The following RFX7 variants were observed in gnomAD, a reference collection of about 807,000 sequenced individuals.
RFX7 encodes the protein DNA-binding protein RFX7.
Under a neutral mutation model 111.8 loss-of-function variants are expected in RFX7, and 26 were observed. The observed-to-expected ratio is 0.23, with a 90% CI of 0.17 to 0.32. The LOEUF (loss-of-function observed/expected upper bound fraction) is 0.32, where lower values mean the gene tolerates loss of function less well. RFX7 is among the 10% of genes least tolerant of loss of function. The probability of loss-of-function intolerance (pLI) is 1.00; values close to 1 mark genes in which losing one functional copy is unlikely to be tolerated. For missense variants in RFX7, 1,573 were observed against 1,772.9 expected (o/e 0.89, Z 2.02); for synonymous variants, 624 against 624.4 (o/e 1.00, Z 0.01).
In RFX7 at chr15:56,088,416, CT is replaced by C. The variant is rs1284700078; in HGVS notation, c.*4928del. On this transcript the variant is annotated 3_prime_UTR_variant, in exon 10 of 10. Coordinates refer to ENST00000559447, the MANE Select transcript of RFX7 (RefSeq NM_022841.7). ...ACACTGGGTCTAATGCAAAGAAATA[CT>C]CTATATACCACAGTAATATCACTCT... The C allele has an allele frequency of 1.3e-5, 2 of 152,174 alleles. No individual in the cohort carries two copies. The highest frequency in any genetic ancestry group is 2.4e-5 in the African/African-American group (1 of 41,426). The allele number at this position is 152,174 out of a possible 1,614,324, so 9.4% of individuals were successfully genotyped here.
At chr15:56,201,842 A>G (rs1243956185) in intron 2 of RFX7, among the ~76,000 whole-genome samples, 2 of 152,186 alleles carry the variant, frequency 1.3e-5, no homozygotes, top group Non-Finnish European at 2.9e-5. Flanking sequence ...CATCCTGGCT[A>G]ACACGGTGAA....
At chr15:56,111,042 C>A (rs2041922158) in intron 5 of RFX7, among the ~76,000 whole-genome samples, 1 of 93,934 alleles carries the variant, frequency 1.1e-5, no homozygotes, top group African/African-American at 3.6e-5. Flanking sequence ...CAGCCCCCCA[C>A]CCGGCCAGCC....
At chr15:56,120,183 T>C (rs1595940742) in intron 5 of RFX7, among the ~76,000 whole-genome samples, 1 of 152,184 alleles carries the variant, frequency 6.6e-6, no homozygotes, top group Non-Finnish European at 1.5e-5. Context: ...TCTTTCATCA[T>C]TGTTTTATAG....
At chr15:56,152,939 C>A (rs1352092979) in intron 3 of RFX7, among the ~76,000 whole-genome samples, 1 of 152,110 alleles carries the variant, frequency 6.6e-6, no homozygotes, top group East Asian at 1.9e-4. Context: ...AACCTCTATG[C>A]AAATAAACTG....
At chr15:56,241,738 AC>A (rs2043691975) in intron 2 of RFX7, among the ~76,000 whole-genome samples, 2 of 145,598 alleles carry the variant, frequency 1.4e-5, no homozygotes, top group Non-Finnish European at 3.1e-5. Context: ...ACACACACAC[AC>A]CCCAATCATA....
intron 2 of RFX7, among the ~76,000 whole-genome samples, chr15:56,231,689 C>T (rs186426131): frequency 1.3e-5 from 2 of 152,266 alleles, no homozygotes; most frequent in Admixed American, 1.3e-4. Context: ...TCCCAACAGT[C>T]CCTCAAAGTC....
intron 2 of RFX7, among the ~76,000 whole-genome samples, chr15:56,201,735 G>GTTTTT (rs1371385285): frequency 5.5e-4 from 84 of 152,010 alleles, no homozygotes; most frequent in African/African-American, 1.8e-3. Context: ...TTGGCCAAAA[G>GTTTTT]TTTAAAAAAC....
At chr15:56,150,788 C>T (rs867006279) in intron 3 of RFX7, among the ~76,000 whole-genome samples, 5 of 152,142 alleles carry the variant, frequency 3.3e-5, no homozygotes, top group African/African-American at 1.2e-4. Flanking sequence ...GCACCAGGTT[C>T]TAACCCAATG....
chr15:56,131,283 T>C (rs1595949823), intron 5 of RFX7, among the ~76,000 whole-genome samples: 1 of 109,494 alleles, frequency 9.1e-6, no homozygotes, highest in Non-Finnish European at 2.0e-5. Context: ...TTTTTTTTTT[T>C]TTTTTTTTTT....
chr15:56,207,301 TG>T (rs2141191693), intron 2 of RFX7, among the ~76,000 whole-genome samples: 1 of 152,220 alleles, frequency 6.6e-6, no homozygotes, highest in East Asian at 1.9e-4. Context: ...TATTGTTTAA[TG>T]GGTACAGAGT....
intron 2 of RFX7, among the ~76,000 whole-genome samples, chr15:56,218,144 CTTTTTTTTTTTT>C (rs869249448): frequency 5.2e-5 from 3 of 57,972 alleles, no homozygotes; most frequent in East Asian, 1.3e-3. Flanking sequence ...AAATGATTTT[CTTTTTTTTTTTT>C]TTTTTTTTTT....
chr15:56,173,730 G>T (rs747889636), intron 3 of RFX7, among the ~76,000 whole-genome samples: 6 of 152,064 alleles, frequency 3.9e-5, no homozygotes, highest in Non-Finnish European at 8.8e-5. Flanking sequence ...GGCAGCAGAG[G>T]TTGCAGTGAG....
chr15:56,168,533 A>G (rs2042808683), intron 3 of RFX7, among the ~76,000 whole-genome samples: 1 of 152,176 alleles, frequency 6.6e-6, no homozygotes, highest in African/African-American at 2.4e-5. Flanking sequence ...AGGGATATAC[A>G]CAGAGTACAA....
At chr15:56,119,708 C>T (rs1037762150) in intron 5 of RFX7, among the ~76,000 whole-genome samples, 39 of 145,870 alleles carry the variant, frequency 2.7e-4, no homozygotes, top group African/African-American at 1.0e-3. Context: ...ACCTGGGAGG[C>T]GGAGGCTGCA....
intron 2 of RFX7, among the ~76,000 whole-genome samples, chr15:56,203,897 C>A (rs1382644951): frequency 1.3e-5 from 2 of 152,126 alleles, no homozygotes; most frequent in Non-Finnish European, 2.9e-5. Context: ...TATTTCATTC[C>A]TTTACTTTCT....
At chr15:56,102,279 T>G (rs767554655) in intron 6 of RFX7, 26 bp from the exon 7 acceptor site, 2 of 1,433,940 alleles carry the variant, frequency 1.4e-6, no homozygotes, top group Non-Finnish European at 1.9e-6. Flanking sequence ...GGTCTAAATA[T>G]TCAAAATTAA....
intron 2 of RFX7, among the ~76,000 whole-genome samples, chr15:56,220,058 C>T (rs1196728357): frequency 3.3e-5 from 5 of 151,668 alleles, no homozygotes; most frequent in Non-Finnish European, 7.4e-5. Flanking sequence ...GGAAGCATAA[C>T]CTTTTTTTTT....
In RFX7 at chr15:56,122,950, G is replaced by A. The variant is rs184575570; in HGVS notation, c.402-19280C>T. ...TATTTCTCACCCTTAGATGGTATTC[G>A]AGAAATACCATCTAAGGGCCAAATA... On this transcript the variant is annotated intron_variant, in intron 5 of 9. Coordinates refer to ENST00000559447, the MANE Select transcript of RFX7 (RefSeq NM_022841.7). Among the ~76,000 whole-genome samples, 254 of 151,830 alleles carry A rather than the reference G, an allele frequency of 1.7e-3. 2 individuals are homozygous for A. The highest frequency in any genetic ancestry group is 5.3e-3 in the African/African-American group (221 of 41,396).
Position 56,094,627 on chromosome 15 carries a change from G to A in RFX7, c.3101C>T (p.Ala1034Val). ...FAFTPISSSM[A>V]YHDASIVSSS... ...TGAGACAATGCTGGCGTCATGATAT[G>A]CCATACTGGAGCTTATTGGAGTGAA... Residue 1034 changes from alanine to valine, a missense_variant, in exon 10 of 10, where the codon GCA (alanine) becomes GTA (valine). Ala to Val is a moderately conservative substitution (Grantham distance 64). Around this residue, in one of 7 missense-constraint regions of RFX7, gnomAD observed 32 missense variants for 67.7 expected, o/e 0.47. Coordinates refer to ENST00000559447, the MANE Select transcript of RFX7 (RefSeq NM_022841.7). 1 of 1,613,964 alleles carries A rather than the reference G, an allele frequency of 6.2e-7. No homozygotes were observed. Among genetic ancestry groups the A allele is most frequent in the Admixed American group, 1.7e-5 (1 of 60,018 alleles).
Sources: gnomAD v4.1 joint callset for allele counts (sites outside exome capture counted in the v4.1 genomes callset) on GRCh38, gnomAD v4.1.1 for gene constraint, gnomAD v4.1.1 regional missense constraint, MANE v1.5 for transcripts, NCBI Gene and HGNC (gene_info 2026-07-23, HGNC 2026-07-21) for gene names.